Variants in APAF1 observed in about 807,000 individuals in gnomAD.
The protein encoded by APAF1 is apoptotic peptidase activating factor 1, also known as apoptotic protease-activating factor 1.
In APAF1, 91 loss-of-function variants were observed where a neutral mutation model predicts 152.4. The observed-to-expected ratio is 0.60, with a 90% confidence interval of 0.50 to 0.71. The LOEUF (loss-of-function observed/expected upper bound fraction) is 0.71. Among genes scored for constraint, APAF1 ranks in the 30% least tolerant of loss-of-function variants. The pLI is 0.00. For synonymous variants in APAF1, 484 were observed against 494.1 expected, an observed-to-expected ratio of 0.98 and a Z score of 0.27; for missense variants, 1,283 against 1,472.0, an observed-to-expected ratio of 0.87 and a Z score of 2.10.
At chr12:98,700,295 G>A (rs1349291704) in intron 17 of APAF1, among the ~76,000 whole-genome samples, 2 of 152,198 alleles carry the variant, frequency 1.3e-5, no homozygotes, top group Admixed American at 6.5e-5. Context: ...AGGAGAACCA[G>A]ATCTTCTGAT....
In APAF1 at chr12:98,653,271, A is replaced by G. The variant is rs539235688; in HGVS notation, c.526+3587A>G. ...AAAACCTTTTCTTTTAAAAGTACAGATAATATAAGAGATCTAAATTTGATT... is the reference window on the plus strand; with the variant it reads ...AAAACCTTTTCTTTTAAAAGTACAGGTAATATAAGAGATCTAAATTTGATT... On this transcript the variant is annotated intron_variant, in intron 4 of 26. Coordinates refer to ENST00000551964, the MANE Select transcript of APAF1 (RefSeq NM_181861.2). Among the ~76,000 whole-genome samples the G allele has an allele frequency of 1.2e-4, 18 of 152,266 alleles. No individual in the cohort carries two copies. The East Asian group carries it at 2.9e-3, about 25-fold the overall frequency.
intron 12 of APAF1, among the ~76,000 whole-genome samples, chr12:98,672,212 T>C (rs750269514): frequency 5.9e-5 from 9 of 152,174 alleles, no homozygotes; most frequent in African/African-American, 1.9e-4. Context: ...TTGCCAAGGC[T>C]GGAGTGCAGT....
At position 98,648,792 on chromosome 12, in the gene APAF1, C is replaced by T; in HGVS notation, c.305C>T (p.Ser102Leu). The change falls in exon 3 of 27, where the codon TCA becomes TTA. Residue 102 changes from serine to leucine, a missense_variant. By Grantham distance (145) the Ser-to-Leu change is moderately radical (BLOSUM62 -2). Transcript: ENST00000551964. Reference protein sequence around the residue: ...PVVSSSSGKDSVSGITSYVRT... With the variant: ...PVVSSSSGKDLVSGITSYVRT... ...GTCTCTTCTTCCAGTGGTAAAGATT[C>T]AGTTAGTGGAATAACTTCGTATGGT... The T allele has an allele frequency of 2.5e-6, 4 of 1,613,908 alleles. No homozygotes were observed. The highest frequency in any genetic ancestry group is 1.3e-5 in the African/African-American group (1 of 75,026).
chr12:98,694,451 AT>A (rs758052483), intron 16 of APAF1, among the ~76,000 whole-genome samples: 109 of 151,866 alleles, frequency 7.2e-4, no homozygotes, highest in Middle Eastern at 3.4e-3. Flanking sequence ...CTGGATTAAA[AT>A]TTTTTTTCCT....
At chr12:98,678,351 C>T (rs957093244) in intron 13 of APAF1, among the ~76,000 whole-genome samples, 2 of 152,238 alleles carry the variant, frequency 1.3e-5, no homozygotes, top group Non-Finnish European at 1.5e-5. Flanking sequence ...AGCAGGGAGG[C>T]GCAGCTGGGG....
rs746268838 is a variant in APAF1 at position 98,666,348 on chromosome 12, C to T, written c.1353C>T (p.Ser451=). 1.2e-6 allele frequency: 2 copies of T among 1,612,490 alleles called. No individual in the cohort carries two copies. Among genetic ancestry groups the T allele is most frequent in the East Asian group, 4.5e-5 (2 of 44,814 alleles). Residue 451 remains serine, a synonymous_variant, in exon 9 of 27, where the codon AGC becomes AGT. Coordinates refer to ENST00000551964, the MANE Select transcript of APAF1 (RefSeq NM_181861.2). ...ATTTTCTTACAGAGAAGAATTGCAG[C>T]CAGCTTCAGGTACTTGCATCTTGGT... ...QVDFLTEKNC[S]QLQDLHKKII...
At chr12:98,665,255 C>CATATATATATATATATATATATAT (rs35804742) in intron 7 of APAF1, among the ~76,000 whole-genome samples, 18 of 97,856 alleles carry the variant, frequency 1.8e-4, no homozygotes, top group Non-Finnish European at 2.3e-4. Flanking sequence ...TAGACTGGCG[C>CATATATATATATATATATATATAT]ATATATATAT....
In APAF1 at chr12:98,649,468, G is replaced by A. The variant is rs1205582786; in HGVS notation, c.329-19G>A. ...TCCAAAGTTCTATTCATTCATGCTT[G>A]TTTTGTTTTGGATTTTAGTAAGGAC... On this transcript the variant is annotated intron_variant, in intron 3 of 26. Transcript: ENST00000551964. The A allele has an allele frequency of 1.2e-6, 2 of 1,612,606 alleles. No homozygotes were observed. Among genetic ancestry groups the A allele is most frequent in the African/African-American group, 1.3e-5 (1 of 75,026 alleles).
At chr12:98,709,525 G>A (rs1296543002) in intron 20 of APAF1, among the ~76,000 whole-genome samples, 1 of 152,140 alleles carries the variant, frequency 6.6e-6, no homozygotes, top group Non-Finnish European at 1.5e-5. Context: ...ATAAGGTGTC[G>A]TTGCATTGAC....
Position 98,678,831 on chromosome 12 carries a change from C to T in APAF1, c.1920+1280C>T, listed in dbSNP as rs528026175. The stretch of plus-strand genomic sequence containing the variant: ...CTTGGGGCAGTGCTGACATGCCAGC[C>T]CCCTGCCGCCTCGGCCCCCTCCGGA... On this transcript the variant is annotated intron_variant, in intron 13 of 26. Coordinates refer to ENST00000551964, the MANE Select transcript of APAF1 (RefSeq NM_181861.2). Among the ~76,000 whole-genome samples the T allele has an allele frequency of 2.6e-3, 398 of 152,344 alleles. 3 individuals are homozygous for T. The highest frequency in any genetic ancestry group is 9.1e-3 in the African/African-American group (378 of 41,582).
At chr12:98,712,665 C>T (rs1029388425) in intron 21 of APAF1, 9 of 468,412 alleles carry the variant, frequency 1.9e-5, no homozygotes, top group Admixed American at 3.6e-5. Flanking sequence ...TAAAGGTGTA[C>T]GTCACCATGC....
chr12:98,689,464 G>GTGTGTC lies in APAF1; in HGVS notation c.2304+2596_2304+2597insCTGTGT, dbSNP rs1555218570. Among the ~76,000 whole-genome samples the GTGTGTC allele has an allele frequency of 4.1e-4, 58 of 142,696 alleles. 1 individual carries two copies. Among genetic ancestry groups the GTGTGTC allele is most frequent in the African/African-American group, 1.5e-3 (55 of 37,630 alleles). 93.6% of individuals were successfully genotyped at this position (142,696 alleles called of 152,430 possible). A position where few individuals can be genotyped will look rare whatever the true frequency, so the allele number is the denominator to read the frequency against. On this transcript the variant is annotated intron_variant, in intron 16 of 26. Coordinates refer to ENST00000551964, the MANE Select transcript of APAF1 (RefSeq NM_181861.2). ...AGAGAGAGAGAGAGAGAGAGAGAGAGTGTGTGTGTCTGTGTGTGTGTGTGT... is the reference window on the plus strand; with the variant it reads ...AGAGAGAGAGAGAGAGAGAGAGAGAGTGTGTCTGTGTGTGTCTGTGTGTGTGTGTGT...
At chr12:98,703,520 T>C (rs2097718042) in intron 18 of APAF1, 21 bp downstream of exon 18, 1 of 1,613,872 alleles carries the variant, frequency 6.2e-7, no homozygotes, top group African/African-American at 1.3e-5. Context: ...GAATTTATTC[T>C]GTGAAGCCTG....
intron 4 of APAF1, among the ~76,000 whole-genome samples, chr12:98,650,287 A>G (rs1452864593): frequency 6.6e-6 from 1 of 152,002 alleles, no homozygotes; most frequent in Non-Finnish European, 1.5e-5. Context: ...GTTCAAGACC[A>G]GCCTGGGCAA....
intron 21 of APAF1, among the ~76,000 whole-genome samples, chr12:98,715,104 A>G (rs527602042): frequency 6.9e-6 from 1 of 145,790 alleles, no homozygotes; most frequent in Non-Finnish European, 1.5e-5. Context: ...GCAAGCCCAG[A>G]CAGCCACTTG....
intron 15 of APAF1, among the ~76,000 whole-genome samples, chr12:98,685,079 G>A (rs2097696564): frequency 6.6e-6 from 1 of 152,162 alleles, no homozygotes; most frequent in South Asian, 2.1e-4. Context: ...TGGACATGAG[G>A]AACAGTATAT....
intron 4 of APAF1, among the ~76,000 whole-genome samples, chr12:98,654,412 A>AATTTT (rs1181218137): frequency 1.3e-5 from 2 of 151,938 alleles, no homozygotes; most frequent in African/African-American, 2.4e-5. Flanking sequence ...GATTTTTACA[A>AATTTT]ATTTTATTTT....
intron 23 of APAF1, 35 bp from the exon 24 acceptor site, chr12:98,723,604 T>G (rs1008946885): frequency 1.3e-6 from 2 of 1,539,966 alleles, no homozygotes; most frequent in Non-Finnish European, 1.8e-6. Context: ...TTCTTAAAAG[T>G]GTCAACCTCC....
chr12:98,672,864 C>T lies in APAF1; in HGVS notation c.1793+1145C>T, dbSNP rs373026616. ...CCTCCTCCTGGGTTCAAGCCATTCT[C>T]CTGCCTCAGCCTCCCGAGTAGCTGG... is the stretch of plus-strand genomic sequence containing the variant. On this transcript the variant is annotated intron_variant, in intron 12 of 26. Transcript: ENST00000551964. Among the ~76,000 whole-genome samples the T allele has an allele frequency of 5.3e-5, 8 of 152,064 alleles. 1 individual carries two copies. Among genetic ancestry groups the T allele is most frequent in the East Asian group, 2.0e-4 (1 of 5,064 alleles).
Sources: gnomAD v4.1 joint callset for allele counts (sites outside exome capture counted in the v4.1 genomes callset) on GRCh38, gnomAD v4.1.1 for gene constraint, MANE v1.5 for transcripts, NCBI Gene and HGNC (gene_info 2026-07-23, HGNC 2026-07-21) for gene names.